TXNL4A: variants seen among roughly 807,000 people sequenced by gnomAD.
TXNL4A encodes the protein thioredoxin-like protein 4A.
TXNL4A carries 17 observed loss-of-function variants against 14.6 expected under a neutral mutation model. The ratio of observed to expected loss-of-function variants is 1.16; its 90% CI spans 0.80 to 1.74. The LOEUF is 1.74. TXNL4A is among the 40% of genes most tolerant of loss of function. The pLI is 0.00. For missense variants in TXNL4A, 74 were observed against 195.2 expected, an observed-to-expected ratio of 0.38 and a Z score of 3.70; for synonymous variants, 83 against 70.6, an observed-to-expected ratio of 1.18 and a Z score of -0.88.
intron 1 of TXNL4A, among the ~76,000 whole-genome samples, chr18:80,019,529 C>A (rs987563411): frequency 6.6e-6 from 1 of 152,240 alleles, no homozygotes; most frequent in Admixed American, 6.5e-5. Flanking sequence ...ATATCAAGGA[C>A]CATGTGTTAT....
chr18:79,989,192 G>A (rs547109867), upstream of TXNL4A, among the ~76,000 whole-genome samples: 5 of 152,078 alleles, frequency 3.3e-5, no homozygotes, highest in Non-Finnish European at 7.4e-5. Flanking sequence ...TTGGCCCACT[G>A]CAGCCTCCGC....
At chr18:79,984,091 T>G (rs2051506840) in intron 1 of TXNL4A, among the ~76,000 whole-genome samples, 1 of 151,886 alleles carries the variant, frequency 6.6e-6, no homozygotes, top group Non-Finnish European at 1.5e-5. Context: ...TACAAGGCTG[T>G]TTTTTTTCCA....
At chr18:80,024,715 G>A (rs571521263) in intron 1 of TXNL4A, among the ~76,000 whole-genome samples, 44 of 152,254 alleles carry the variant, frequency 2.9e-4, no homozygotes, top group Middle Eastern at 6.8e-3. Context: ...ACATATTTAG[G>A]GTCTCATCTC....
chr18:79,989,361 C>T (rs994256649), upstream of TXNL4A, among the ~76,000 whole-genome samples: 2 of 151,908 alleles, frequency 1.3e-5, no homozygotes, highest in Admixed American at 6.5e-5. Context: ...CTGCCCGCCT[C>T]GGCCTCCCAA....
Position 79,973,431 on chromosome 18 carries a change from C to G in TXNL4A, c.*254G>C, listed in dbSNP as rs1306112488. On this transcript the variant is annotated 3_prime_UTR_variant, in exon 3 of 3. Coordinates refer to ENST00000269601, the MANE Select transcript of TXNL4A (RefSeq NM_006701.5). ...TCACAGGATAAACACCTTCGTTTTA[C>G]TCCAAGGGTAAGAATTAACTTTGAC... 6.8e-6 allele frequency: 3 copies of G among 439,834 alleles called. No homozygotes were observed. The highest frequency in any genetic ancestry group is 1.0e-4 in the South Asian group (2 of 19,062). 27.2% of individuals were successfully genotyped at this position (439,834 alleles called of 1,614,324 possible). A position where few individuals can be genotyped will look rare whatever the true frequency, so the allele number is the denominator to read the frequency against.
intron 1 of TXNL4A, among the ~76,000 whole-genome samples, chr18:80,020,115 TA>T (rs2051838628): frequency 6.6e-6 from 1 of 152,174 alleles, no homozygotes; most frequent in South Asian, 2.1e-4. Context: ...CTGATGGCTT[TA>T]AAAACGGGAG....
Position 79,993,764 on chromosome 18 carries a change from G to A in TXNL4A, c.-60-16063C>T, listed in dbSNP as rs1211640813. Among the ~76,000 whole-genome samples, 2 of 152,098 alleles carry A rather than the reference G, an allele frequency of 1.3e-5. No homozygotes were observed. The highest frequency in any genetic ancestry group is 2.9e-5 in the Non-Finnish European group (2 of 68,028). On this transcript the variant is annotated intron_variant, in intron 1 of 2. Coordinates refer to the TXNL4A transcript ENST00000585474. This position sits in a 1 kb window ranked among gnomAD's most constrained non-coding sequence, Gnocchi z 4.4. The stretch of plus-strand genomic sequence containing the variant: ...GGGCATTCTTAGGCAACTGAGAATC[G>A]CGTGAGGGTGTCTGGGAGGAAAGCA...
chr18:80,022,577 C>T (rs564707081), intron 1 of TXNL4A, among the ~76,000 whole-genome samples: 49 of 152,282 alleles, frequency 3.2e-4, no homozygotes, highest in African/African-American at 1.1e-3. Context: ...ATAGAATATA[C>T]GCCACTTTCT....
At chr18:79,975,382 G>A (rs1316950625) in intron 2 of TXNL4A, among the ~76,000 whole-genome samples, 1 of 152,228 alleles carries the variant, frequency 6.6e-6, no homozygotes, top group Admixed American at 6.5e-5. Flanking sequence ...AACAGCAGAA[G>A]GAAGTTTCAT....
At position 79,988,403 on chromosome 18, in the gene TXNL4A, G is replaced by C. The variant is rs1308286566; in HGVS notation, c.-11C>G. The C allele has an allele frequency of 3.5e-6, 5 of 1,440,918 alleles. No individual in the cohort carries two copies. The East Asian group carries it at 1.1e-4, about 33-fold the overall frequency. 89.3% of individuals were successfully genotyped at this position (1,440,918 alleles called of 1,614,324 possible). A position where few individuals can be genotyped will look rare whatever the true frequency, so the allele number is the denominator to read the frequency against. On this transcript the variant is annotated 5_prime_UTR_variant, in exon 1 of 3. Coordinates refer to ENST00000269601, the MANE Select transcript of TXNL4A (RefSeq NM_006701.5). ...GAGCATGTACGACATGGCGGCCCGC[G>C]CGCTCGCCGCCGCCCAAGGCGGGGC...
At chr18:79,977,341 G>C in intron 2 of TXNL4A, 1 of 519,982 alleles carries the variant, frequency 1.9e-6, no homozygotes, top group East Asian at 3.2e-5. Flanking sequence ...ATCTTTCATT[G>C]AATTACACTT....
intron 1 of TXNL4A, among the ~76,000 whole-genome samples, chr18:80,029,679 C>T (rs557622897): frequency 3.5e-4 from 54 of 152,318 alleles, no homozygotes; most frequent in African/African-American, 1.2e-3. Context: ...CTAAATTCAC[C>T]TCCAGGCATT....
intron 1 of TXNL4A, among the ~76,000 whole-genome samples, chr18:80,027,391 G>A (rs1020712650): frequency 1.3e-5 from 2 of 151,916 alleles, no homozygotes; most frequent in African/African-American, 2.4e-5. Flanking sequence ...AAATAATATC[G>A]CAATACCCAG....
chr18:80,000,268 G>T (rs969203631), intron 1 of TXNL4A, among the ~76,000 whole-genome samples: 2 of 152,226 alleles, frequency 1.3e-5, no homozygotes, highest in Admixed American at 1.3e-4. Flanking sequence ...TGACCAAAAT[G>T]CTGATAATGA....
chr18:80,031,012 G>A (rs1039343237), intron 1 of TXNL4A, among the ~76,000 whole-genome samples: 5 of 152,220 alleles, frequency 3.3e-5, no homozygotes, highest in African/African-American at 9.6e-5. Flanking sequence ...AAAGGACATG[G>A]GAAAAGTTTT....
At chr18:79,975,603 G>T (rs1421139497) in intron 2 of TXNL4A, among the ~76,000 whole-genome samples, 1 of 152,174 alleles carries the variant, frequency 6.6e-6, no homozygotes, top group Non-Finnish European at 1.5e-5. Context: ...AATAGAAAAG[G>T]CCTCTATTGC....
intron 1 of TXNL4A, among the ~76,000 whole-genome samples, chr18:80,010,793 C>T (rs980477200): frequency 6.6e-6 from 1 of 152,118 alleles, no homozygotes; most frequent in Non-Finnish European, 1.5e-5. Context: ...AGCCTGATTT[C>T]CCCCCACCCC....
chr18:79,984,969 A>C (rs1444427214), intron 1 of TXNL4A, among the ~76,000 whole-genome samples: 1 of 152,196 alleles, frequency 6.6e-6, no homozygotes, highest in East Asian at 1.9e-4. Context: ...ACAAAATAGA[A>C]AGACAGCTCA....
intron 1 of TXNL4A, among the ~76,000 whole-genome samples, chr18:79,983,242 T>C (rs549254877): frequency 6.6e-5 from 10 of 152,314 alleles, no homozygotes; most frequent in African/African-American, 1.9e-4. Context: ...CTCAGATGAT[T>C]CGCCTGCCTC....
Sources: allele counts gnomAD v4.1 joint callset (sites outside exome capture counted in the v4.1 genomes callset), GRCh38; gene constraint gnomAD v4.1.1; non-coding constraint Gnocchi (gnomAD v3.1); transcripts MANE v1.5; gene names NCBI Gene and HGNC (gene_info 2026-07-23, HGNC 2026-07-21).